The following PAWR variants were observed in gnomAD, a reference collection of about 807,000 sequenced individuals.
The protein encoded by PAWR is PRKC apoptosis WT1 regulator protein.
PAWR carries 23 observed loss-of-function variants against 32.0 expected under a neutral mutation model. The observed-to-expected ratio is 0.72, with a 90% CI of 0.52 to 1.02. PAWR has a LOEUF of 1.02. PAWR is among the 50% of genes least tolerant of loss of function. The pLI is 0.00. For missense variants in PAWR, 457 were observed against 437.7 expected (o/e 1.04, Z -0.39); for synonymous variants, 226 against 187.1 (o/e 1.21, Z -1.70).
intron 2 of PAWR, among the ~76,000 whole-genome samples, chr12:79,657,654 C>A (rs536439086): frequency 1.3e-5 from 2 of 151,946 alleles, no homozygotes; most frequent in East Asian, 1.9e-4. Context: ...ATTAGCTGGG[C>A]GTGGTGGCGG....
intron 2 of PAWR, among the ~76,000 whole-genome samples, chr12:79,639,886 C>CTATTCCTATTCCTATTCCTATTCCT (rs137876550): frequency 5.0e-5 from 4 of 79,650 alleles, no homozygotes; most frequent in Admixed American, 1.3e-4. Context: ...ATTCCTATTC[C>CTATTCCTATTCCTATTCCTATTCCT]ATTCCATTCC....
intron 2 of PAWR, among the ~76,000 whole-genome samples, chr12:79,654,595 G>T (rs564995331): frequency 2.6e-5 from 4 of 152,106 alleles, no homozygotes; most frequent in Non-Finnish European, 5.9e-5. Context: ...ACAAAGAACT[G>T]CCCAGTTTAT....
At position 79,634,920 on chromosome 12, in the gene PAWR, A is replaced by G. The variant is rs1320098017; in HGVS notation, c.517-13713T>C. ...TAAAGAGGCTATCTGGAGGAATTCT[A>G]TAAGGTCTCATTTCCAAGTTTACAC... On this transcript the variant is annotated intron_variant, in intron 2 of 6. Transcript: ENST00000328827. 2.6e-5 allele frequency among the ~76,000 whole-genome samples: 4 copies of G among 152,108 alleles called. No homozygotes were observed. In the South Asian group the frequency reaches 6.2e-4, roughly 24 times the overall value.
rs981600607 is a variant in PAWR, at chr12:79,630,318, T to A, written c.517-9111A>T. On this transcript the variant is annotated intron_variant, in intron 2 of 6. Coordinates refer to ENST00000328827, the MANE Select transcript of PAWR (RefSeq NM_002583.4). ...TGCCACTAATATATATATATATATT[T>A]TTTTTGAGACAGTCTCAGTCACCCA... Among the ~76,000 whole-genome samples, 280 of 104,406 alleles carry A rather than the reference T, an allele frequency of 2.7e-3. 1 individual carries two copies. Among genetic ancestry groups the A allele is most frequent in the Middle Eastern group, 8.1e-3 (2 of 248 alleles). The allele number at this position is 104,406 out of a possible 152,430, so 68.5% of individuals were successfully genotyped here. A position where few individuals can be genotyped will look rare whatever the true frequency, so the allele number is the denominator to read the frequency against.
intron 2 of PAWR, among the ~76,000 whole-genome samples, chr12:79,628,031 C>T (rs939820294): frequency 1.8e-4 from 27 of 152,144 alleles, no homozygotes; most frequent in Admixed American, 6.5e-5. Context: ...ACCACACCTA[C>T]TCCAAAATTG....
intron 2 of PAWR, 53 bp from the exon 3 acceptor site, chr12:79,621,260 G>C: frequency 7.6e-7 from 1 of 1,310,296 alleles, no homozygotes; most frequent in South Asian, 1.3e-5. Flanking sequence ...AGACTGTTTC[G>C]ATAATATGTG....
chr12:79,664,655 T>TGGTG (rs1204303779), intron 2 of PAWR, among the ~76,000 whole-genome samples: 1 of 29,714 alleles, frequency 3.4e-5, no homozygotes, highest in African/African-American at 2.8e-4. Context: ...GTAGACTCTT[T>TGGTG]GGCGGGGGGG....
rs749186228 is a variant in PAWR, at chr12:79,590,770, T to C, written c.*1837A>G. ...CTATGCCTGGCATACCACCCTGTCATGTGGGCAGATCACTGTTCCCATGCT... is the reference window on the plus strand; with the variant it reads ...CTATGCCTGGCATACCACCCTGTCACGTGGGCAGATCACTGTTCCCATGCT... On this transcript the variant is annotated 3_prime_UTR_variant, in exon 7 of 7. Coordinates refer to ENST00000328827, the MANE Select transcript of PAWR (RefSeq NM_002583.4). The C allele has an allele frequency of 1.1e-4, 17 of 152,158 alleles. No homozygotes were observed. The highest frequency in any genetic ancestry group is 2.6e-4 in the Admixed American group (4 of 15,266). 9.4% of individuals were successfully genotyped at this position (152,158 alleles called of 1,614,324 possible).
At position 79,627,899 on chromosome 12, in the gene PAWR, C is replaced by T. The variant is rs187652691; in HGVS notation, c.517-6692G>A. On this transcript the variant is annotated intron_variant, in intron 2 of 6. Coordinates refer to ENST00000328827, the MANE Select transcript of PAWR (RefSeq NM_002583.4). The stretch of plus-strand genomic sequence containing the variant: ...CCACTGTCAACATTAGACAGATCAA[C>T]GAGACAGAAGTTAACAAGGATACCC... Among the ~76,000 whole-genome samples, 292 of 152,202 alleles carry T rather than the reference C, an allele frequency of 1.9e-3. 3 individuals carry two copies. The highest frequency in any genetic ancestry group is 0.015 in the Admixed American group (236 of 15,288).
chr12:79,621,817 T>TA (rs1875032993), intron 2 of PAWR, among the ~76,000 whole-genome samples: 1 of 152,008 alleles, frequency 6.6e-6, no homozygotes. Context: ...AGAAGGCTGC[T>TA]AAAAAACAGA....
At chr12:79,681,623 T>G (rs1003019742) in intron 2 of PAWR, among the ~76,000 whole-genome samples, 2 of 152,314 alleles carry the variant, frequency 1.3e-5, no homozygotes, top group South Asian at 2.1e-4. Flanking sequence ...AATATTAATA[T>G]GTATAAGATA....
intron 2 of PAWR, among the ~76,000 whole-genome samples, chr12:79,641,829 G>C (rs1373777345): frequency 8.8e-6 from 1 of 113,072 alleles, no homozygotes; most frequent in Non-Finnish European, 1.7e-5. Context: ...CCTGGCAACC[G>C]AGCGAGACTC....
At chr12:79,657,707 T>C (rs1018056473) in intron 2 of PAWR, among the ~76,000 whole-genome samples, 10 of 150,748 alleles carry the variant, frequency 6.6e-5, no homozygotes, top group African/African-American at 2.2e-4. Flanking sequence ...GGCAGGAGAA[T>C]GGCGTGAACC....
chr12:79,605,383 A>G (rs1465347672), intron 4 of PAWR, among the ~76,000 whole-genome samples: 1 of 152,214 alleles, frequency 6.6e-6, no homozygotes, highest in African/African-American at 2.4e-5. Context: ...AGTTTATTAT[A>G]TACAGTAGAA....
intron 3 of PAWR, 122 bp downstream of exon 3, chr12:79,620,954 G>A (rs955943663): frequency 1.4e-6 from 1 of 701,416 alleles, no homozygotes. Flanking sequence ...TTATGGTAAG[G>A]AAGGCATAAG....
At chr12:79,609,519 C>T (rs949118593) in intron 4 of PAWR, among the ~76,000 whole-genome samples, 2 of 152,028 alleles carry the variant, frequency 1.3e-5, no homozygotes, top group Admixed American at 6.5e-5. Context: ...CATGGCCCGT[C>T]CTGCTCCCCA....
rs1203881269 is a variant in PAWR, at chr12:79,587,468, A to G, written c.*5139T>C. On this transcript the variant is annotated 3_prime_UTR_variant, in exon 7 of 7. Transcript: ENST00000328827. ...CTTTGGACACCATCAGATTTAGTTTATAAGAGTTCTGATTTTGAATCAAGA... is the reference window on the plus strand; with the variant it reads ...CTTTGGACACCATCAGATTTAGTTTGTAAGAGTTCTGATTTTGAATCAAGA... 6.6e-6 allele frequency: 1 copy of G among 152,088 alleles called. No individual in the cohort carries two copies. Among genetic ancestry groups the G allele is most frequent in the East Asian group, 1.9e-4 (1 of 5,206 alleles). 9.4% of individuals were successfully genotyped at this position (152,088 alleles called of 1,614,324 possible).
At chr12:79,650,525 G>C (rs1338608451) in intron 2 of PAWR, among the ~76,000 whole-genome samples, 2 of 151,978 alleles carry the variant, frequency 1.3e-5, no homozygotes, top group Admixed American at 1.3e-4. Flanking sequence ...AAGGATCTTT[G>C]ATCTACTAAA....
At chr12:79,601,980 A>C (rs1873979883) in intron 4 of PAWR, among the ~76,000 whole-genome samples, 1 of 152,204 alleles carries the variant, frequency 6.6e-6, no homozygotes, top group South Asian at 2.1e-4. Context: ...ATGTGATCTT[A>C]TTTGCAGTTA....
Sources: gnomAD v4.1 joint callset for allele counts (sites outside exome capture counted in the v4.1 genomes callset) on GRCh38, gnomAD v4.1.1 for gene constraint, MANE v1.5 for transcripts, NCBI Gene and HGNC (gene_info 2026-07-23, HGNC 2026-07-21) for gene names.